CRACD: variants seen among roughly 807,000 people sequenced by gnomAD.
CRACD encodes capping protein inhibiting regulator of actin dynamics.
In CRACD, 56 loss-of-function variants were observed where a neutral mutation model predicts 106.8. The observed-to-expected ratio is 0.52, with a 90% CI of 0.42 to 0.66. The LOEUF is 0.66. Among genes scored for constraint, CRACD ranks in the 30% least tolerant of loss-of-function variants. The pLI, the probability that CRACD is intolerant of heterozygous loss-of-function variation, is 0.00. For missense variants in CRACD, 1,730 were observed against 1,623.2 expected (o/e 1.07, Z -1.13); for synonymous variants, 754 against 670.8 (o/e 1.12, Z -1.92).
At chr4:56,152,013 CTT>C (rs562674319) in intron 1 of CRACD, among the ~76,000 whole-genome samples, 11 of 137,750 alleles carry the variant, frequency 8.0e-5, no homozygotes, top group Admixed American at 7.3e-5. Flanking sequence ...ATAGTTTTTT[CTT>C]TTTTTTTTTT....
intron 2 of CRACD, among the ~76,000 whole-genome samples, chr4:56,271,845 A>G (rs1742366085): frequency 6.6e-6 from 1 of 152,120 alleles, no homozygotes; most frequent in African/African-American, 2.4e-5. Context: ...CCCAGGCTCA[A>G]TCAATCCTCC....
At chr4:56,317,680 C>T (rs1012819440) in intron 8 of CRACD, among the ~76,000 whole-genome samples, 1 of 152,104 alleles carries the variant, frequency 6.6e-6, no homozygotes, top group South Asian at 2.1e-4. Context: ...TGGATCCTCT[C>T]TATGGGATAA....
intron 2 of CRACD, among the ~76,000 whole-genome samples, chr4:56,268,108 A>T (rs147460729): frequency 3.9e-5 from 6 of 152,298 alleles, no homozygotes; most frequent in African/African-American, 1.4e-4. Context: ...GACACAGAGG[A>T]CCTCATCAAC....
intron 1 of CRACD, among the ~76,000 whole-genome samples, chr4:56,065,930 T>C (rs1415671214): frequency 1.3e-5 from 2 of 152,148 alleles, no homozygotes; most frequent in African/African-American, 2.4e-5. Flanking sequence ...GTAAATGGGG[T>C]CATTCAATAT....
At chr4:56,187,103 G>A (rs1470858811) in intron 2 of CRACD, among the ~76,000 whole-genome samples, 1 of 151,850 alleles carries the variant, frequency 6.6e-6, no homozygotes, top group Non-Finnish European at 1.5e-5. Flanking sequence ...CTTTGAATTT[G>A]CCATTGAACC....
intron 1 of CRACD, among the ~76,000 whole-genome samples, chr4:56,075,421 T>C (rs1408111195): frequency 6.6e-6 from 1 of 152,110 alleles, no homozygotes; most frequent in African/African-American, 2.4e-5. Flanking sequence ...CTTGGGAGGG[T>C]GTATGTGTCC....
intron 2 of CRACD, among the ~76,000 whole-genome samples, chr4:56,220,477 G>A (rs1018632131): frequency 6.6e-6 from 1 of 152,138 alleles, no homozygotes; most frequent in Non-Finnish European, 1.5e-5. Context: ...GGGGCCTGCT[G>A]GAAGAACGGT....
intron 1 of CRACD, among the ~76,000 whole-genome samples, chr4:56,056,654 G>A (rs934926655): frequency 6.6e-6 from 1 of 152,120 alleles, no homozygotes; most frequent in African/African-American, 2.4e-5. Flanking sequence ...AGTTAGCTGG[G>A]CGTGGTGGCA....
intron 2 of CRACD, among the ~76,000 whole-genome samples, chr4:56,249,719 A>C (rs1740937298): frequency 6.6e-6 from 1 of 152,220 alleles, no homozygotes; most frequent in Admixed American, 6.5e-5. Context: ...TCTTTACACC[A>C]GAGCCTTGCA....
At chr4:56,170,040 GAACAAC>G (rs199946852) in intron 1 of CRACD, among the ~76,000 whole-genome samples, 2,536 of 151,974 alleles carry the variant, frequency 0.017, 29 homozygotes, top group Admixed American at 0.042. Context: ...CTGAGTAGCA[GAACAAC>G]AACAACAACA....
chr4:56,058,751 T>A (rs1698055326), intron 1 of CRACD, among the ~76,000 whole-genome samples: 2 of 152,354 alleles, frequency 1.3e-5, no homozygotes, highest in South Asian at 2.1e-4. Context: ...GATTAGCATC[T>A]TAAAGATGTT....
intron 1 of CRACD, among the ~76,000 whole-genome samples, chr4:56,106,235 C>T (rs141405836): frequency 1.1e-3 from 166 of 152,304 alleles, no homozygotes; most frequent in Admixed American, 5.0e-3. Flanking sequence ...CCAGGCCACA[C>T]TTCTTCAAGC....
chr4:56,135,712 C>T (rs1286174658), intron 1 of CRACD, among the ~76,000 whole-genome samples: 10 of 152,134 alleles, frequency 6.6e-5, no homozygotes, highest in African/African-American at 1.2e-4. Flanking sequence ...AACAGTTCCA[C>T]GCGCAGGTAA....
chr4:56,122,098 C>G (rs1383977232), intron 1 of CRACD, among the ~76,000 whole-genome samples: 1 of 151,988 alleles, frequency 6.6e-6, no homozygotes, highest in Non-Finnish European at 1.5e-5. Context: ...TGCTTGAGCC[C>G]AGGAGTTCCA....
chr4:56,215,019 A>G (rs1471399807), intron 2 of CRACD, among the ~76,000 whole-genome samples: 1 of 150,972 alleles, frequency 6.6e-6, no homozygotes, highest in Non-Finnish European at 1.5e-5. Flanking sequence ...AAACAAACAA[A>G]CAAAAAAAGA....
At chr4:56,172,987 C>T (rs1736436733) in intron 1 of CRACD, among the ~76,000 whole-genome samples, 1 of 152,164 alleles carries the variant, frequency 6.6e-6, no homozygotes, top group Non-Finnish European at 1.5e-5. Flanking sequence ...AACTCTCAAC[C>T]TCAGGTGATC....
At chr4:56,215,568 G>A (rs1371335752) in intron 2 of CRACD, among the ~76,000 whole-genome samples, 1 of 152,032 alleles carries the variant, frequency 6.6e-6, no homozygotes, top group African/African-American at 2.4e-5. Context: ...TCTTCAACTG[G>A]ACTATGAGCT....
intron 3 of CRACD, among the ~76,000 whole-genome samples, chr4:56,293,217 G>A (rs1203643780): frequency 6.6e-6 from 1 of 152,140 alleles, no homozygotes; most frequent in East Asian, 1.9e-4. Context: ...GTGGCTTGTA[G>A]TTAAAAGGGT....
intron 1 of CRACD, among the ~76,000 whole-genome samples, chr4:56,107,612 G>A (rs886142117): frequency 7.2e-5 from 11 of 152,178 alleles, no homozygotes; most frequent in African/African-American, 2.7e-4. Flanking sequence ...GCTACCCCAT[G>A]GAGTGGCAAT....
Sources: gnomAD v4.1 joint callset for allele counts (sites outside exome capture counted in the v4.1 genomes callset) on GRCh38, gnomAD v4.1.1 for gene constraint, MANE v1.5 for transcripts, NCBI Gene and HGNC (gene_info 2026-07-23, HGNC 2026-07-21) for gene names.